OSBPL1A: variants seen among roughly 807,000 people sequenced by gnomAD.
The protein encoded by OSBPL1A is oxysterol-binding protein-related protein 1.
A neutral mutation model predicts 137.1 loss-of-function variants in OSBPL1A; 80 were observed. The ratio of observed to expected loss-of-function variants is 0.58; its 90% confidence interval spans 0.49 to 0.70. The LOEUF (loss-of-function observed/expected upper bound fraction) is 0.70, where lower values mean the gene tolerates loss of function less well. Ranked by LOEUF, OSBPL1A falls within the 30% of genes least tolerant of loss-of-function variation. OSBPL1A has a pLI of 0.00. For missense variants in OSBPL1A, 970 were observed against 1,129.4 expected, an observed-to-expected ratio of 0.86 and a Z score of 2.02; for synonymous variants, 365 against 389.7, an observed-to-expected ratio of 0.94 and a Z score of 0.75.
intron 20 of OSBPL1A, among the ~76,000 whole-genome samples, chr18:24,178,682 C>A (rs1186068918): frequency 7.2e-5 from 11 of 152,162 alleles, no homozygotes; most frequent in Admixed American, 7.2e-4. Context: ...TGTTGTAATG[C>A]TAGCTACTTG....
intron 18 of OSBPL1A, among the ~76,000 whole-genome samples, chr18:24,183,468 T>C (rs973114080): frequency 2.6e-5 from 4 of 151,648 alleles, no homozygotes; most frequent in East Asian, 1.9e-4. Flanking sequence ...GTTTTGCTCT[T>C]GTCGCCCAGG....
intron 27 of OSBPL1A, 115 bp from the exon 28 acceptor site, chr18:24,163,396 T>C (rs2086065127): frequency 2.8e-6 from 2 of 715,248 alleles, no homozygotes; most frequent in Admixed American, 5.4e-5. Flanking sequence ...GAGTGAGGGA[T>C]AGTTCTAAAG....
chr18:24,280,180 A>T (rs1278891679), intron 15 of OSBPL1A, among the ~76,000 whole-genome samples: 3 of 152,152 alleles, frequency 2.0e-5, no homozygotes, highest in Admixed American at 6.5e-5. Flanking sequence ...TCCTGACCTC[A>T]AGTGATTGCC....
chr18:24,267,455 C>G (rs2089606578), intron 15 of OSBPL1A, among the ~76,000 whole-genome samples: 1 of 151,890 alleles, frequency 6.6e-6, no homozygotes, highest in Non-Finnish European at 1.5e-5. Context: ...GATATTAAAC[C>G]CTGATGAGGA....
chr18:24,334,900 A>G (rs1388611394), intron 5 of OSBPL1A, among the ~76,000 whole-genome samples: 1 of 152,134 alleles, frequency 6.6e-6, no homozygotes, highest in Non-Finnish European at 1.5e-5. Context: ...ATGTATATTT[A>G]GTGGGATCAC....
chr18:24,208,133 A>G (rs1422825960), intron 17 of OSBPL1A, among the ~76,000 whole-genome samples: 2 of 152,238 alleles, frequency 1.3e-5, no homozygotes, highest in Admixed American at 6.5e-5. Flanking sequence ...CACTCAAAGC[A>G]AAATAGTCTT....
chr18:24,315,557 A>G lies in OSBPL1A; in HGVS notation c.871-1210T>C, dbSNP rs1302743063. 4.3e-5 allele frequency among the ~76,000 whole-genome samples: 6 copies of G among 139,242 alleles called. No homozygotes were observed. In the South Asian group the frequency reaches 6.4e-4, roughly 15 times the overall value. The allele number at this position is 139,242 out of a possible 152,430, so 91.3% of individuals were successfully genotyped here. On this transcript the variant is annotated intron_variant, in intron 11 of 27. Transcript: ENST00000319481. Reference sequence around the variant, plus strand: ...CCAGAACTCAACATTCATAATATTAATAATATTATGATTATTATATATTAT... The same window carrying G: ...CCAGAACTCAACATTCATAATATTAGTAATATTATGATTATTATATATTAT...
At chr18:24,386,443 C>G (rs1906968063) in intron 1 of OSBPL1A, among the ~76,000 whole-genome samples, 2 of 152,204 alleles carry the variant, frequency 1.3e-5, no homozygotes. Flanking sequence ...TTACATGCAT[C>G]AGAACTAGTT....
chr18:24,391,145 C>G (rs531336153), intron 1 of OSBPL1A, among the ~76,000 whole-genome samples: 1 of 152,046 alleles, frequency 6.6e-6, no homozygotes, highest in East Asian at 1.9e-4. Flanking sequence ...AGAACATGGA[C>G]GAACCTGGAA....
At chr18:24,185,001 A>G (rs969474511) in intron 18 of OSBPL1A, among the ~76,000 whole-genome samples, 1 of 152,228 alleles carries the variant, frequency 6.6e-6, no homozygotes, top group African/African-American at 2.4e-5. Flanking sequence ...TCAGTGCTAA[A>G]AAGAAATGAG....
intron 7 of OSBPL1A, among the ~76,000 whole-genome samples, chr18:24,328,973 T>G (rs1350480460): frequency 5.9e-5 from 9 of 152,228 alleles, no homozygotes; most frequent in African/African-American, 2.2e-4. Context: ...AAATTACATA[T>G]GTGACTCCCA....
intron 5 of OSBPL1A, among the ~76,000 whole-genome samples, chr18:24,338,429 AAT>A (rs2146150560): frequency 6.6e-6 from 1 of 152,234 alleles, no homozygotes; most frequent in South Asian, 2.1e-4. Flanking sequence ...CTGCGTTAGT[AAT>A]AGTGCCTAAC....
chr18:24,375,583 C>T (rs1472415001), intron 2 of OSBPL1A, among the ~76,000 whole-genome samples: 1 of 152,124 alleles, frequency 6.6e-6, no homozygotes, highest in Non-Finnish European at 1.5e-5. Flanking sequence ...CCTACTCTTT[C>T]ACATTTCATC....
rs200202342 is a variant in OSBPL1A at position 24,185,328 on chromosome 18, CTTTTTTT to C, written c.1678-4056_1678-4050del. Among the ~76,000 whole-genome samples, 33 of 139,926 alleles carry C rather than the reference CTTTTTTT, an allele frequency of 2.4e-4. No homozygotes were observed. In the South Asian group the frequency reaches 4.0e-3, roughly 17 times the overall value. The allele number at this position is 139,926 out of a possible 152,430, so 91.8% of individuals were successfully genotyped here. A position where few individuals can be genotyped will look rare whatever the true frequency, so the allele number is the denominator to read the frequency against. ...ATCGCAGGTTCACCAATTCTTTTTT[CTTTTTTT>C]TTTTTTTTTTGAGACTGAGTCTCGC... On this transcript the variant is annotated intron_variant, in intron 18 of 27. Transcript: ENST00000319481.
chr18:24,208,221 TAGAG>T (rs1321276060), intron 17 of OSBPL1A, among the ~76,000 whole-genome samples: 4 of 148,148 alleles, frequency 2.7e-5, no homozygotes, highest in Non-Finnish European at 5.9e-5. Context: ...AAAATTATGT[TAGAG>T]AGTAAATTAC....
At chr18:24,350,440 T>C (rs1342848157) in intron 4 of OSBPL1A, among the ~76,000 whole-genome samples, 1 of 152,120 alleles carries the variant, frequency 6.6e-6, no homozygotes, top group African/African-American at 2.4e-5. Context: ...TGTATTAGGT[T>C]ATCTGTCATT....
intron 4 of OSBPL1A, among the ~76,000 whole-genome samples, chr18:24,361,996 C>CA (rs200189504): frequency 0.017 from 860 of 51,300 alleles, 8 homozygotes; most frequent in African/African-American, 0.025. Context: ...GACTCCATCT[C>CA]AAAAAAAAAA....
At chr18:24,395,683 C>T (rs939982469) in intron 1 of OSBPL1A, among the ~76,000 whole-genome samples, 6 of 151,704 alleles carry the variant, frequency 4.0e-5, no homozygotes, top group Admixed American at 3.9e-4. Context: ...TGCAACAGCA[C>T]GATCTCCATT....
intron 12 of OSBPL1A, 149 bp from the exon 13 acceptor site, chr18:24,312,255 G>A: frequency 1.3e-6 from 1 of 789,616 alleles, no homozygotes; most frequent in Non-Finnish European, 1.9e-6. Context: ...TAATGAAACA[G>A]CAATGTGGGT....
Sources: gnomAD v4.1 joint callset for allele counts (sites outside exome capture counted in the v4.1 genomes callset) on GRCh38, gnomAD v4.1.1 for gene constraint, MANE v1.5 for transcripts, NCBI Gene and HGNC (gene_info 2026-07-23, HGNC 2026-07-21) for gene names.